XPO4: variants seen among roughly 807,000 people sequenced by gnomAD.
XPO4 encodes the protein exportin 4, also known as exportin-4.
Under a neutral mutation model 143.0 loss-of-function variants are expected in XPO4, and 39 were observed. That is an observed-to-expected ratio of 0.27 (90% CI 0.21 to 0.36). The LOEUF (loss-of-function observed/expected upper bound fraction) is 0.36. Among genes scored for constraint, XPO4 ranks in the 10% least tolerant of loss-of-function variants. The pLI is 1.00. For synonymous variants in XPO4, 439 were observed against 474.0 expected, an observed-to-expected ratio of 0.93 and a Z score of 0.96; for missense variants, 907 against 1,348.0, an observed-to-expected ratio of 0.67 and a Z score of 5.12.
At chr13:20,876,259 T>A (rs1003944608) in intron 1 of XPO4, among the ~76,000 whole-genome samples, 2 of 103,480 alleles carry the variant, frequency 1.9e-5, no homozygotes, top group Non-Finnish European at 1.8e-5. Context: ...CAAAACTCCA[T>A]CTCGGAAAAA....
chr13:20,880,192 GGGAGGCAAAGGCA>G (rs2060394158), intron 1 of XPO4, among the ~76,000 whole-genome samples: 1 of 152,170 alleles, frequency 6.6e-6, no homozygotes, highest in Non-Finnish European at 1.5e-5. Context: ...CCAGCACTTT[GGGAGGCAAAGGCA>G]GGTGGATCAC....
At chr13:20,862,563 A>G (rs934084523) in intron 3 of XPO4, among the ~76,000 whole-genome samples, 154 bp downstream of exon 3, 3 of 152,054 alleles carry the variant, frequency 2.0e-5, no homozygotes, top group African/African-American at 7.2e-5. Context: ...CCTGGGCTCA[A>G]GGAGATCCTC....
At chr13:20,844,893 C>T (rs982817926) in intron 4 of XPO4, among the ~76,000 whole-genome samples, 40 of 152,142 alleles carry the variant, frequency 2.6e-4, no homozygotes, top group Admixed American at 2.4e-3. Flanking sequence ...AAACATAGGC[C>T]GGACACAGTG....
At chr13:20,825,300 C>G (rs1331854405) in intron 7 of XPO4, among the ~76,000 whole-genome samples, 1 of 152,166 alleles carries the variant, frequency 6.6e-6, no homozygotes, top group Non-Finnish European at 1.5e-5. Context: ...CAACAGTATA[C>G]TGATGCTTAT....
chr13:20,873,593 A>G (rs914112774), intron 1 of XPO4, among the ~76,000 whole-genome samples: 1 of 152,118 alleles, frequency 6.6e-6, no homozygotes. Flanking sequence ...CTTTCCTCAA[A>G]ACAGTCAGGA....
intron 5 of XPO4, 124 bp from the exon 6 acceptor site, chr13:20,843,172 C>T: frequency 1.0e-6 from 1 of 988,768 alleles, no homozygotes; most frequent in Non-Finnish European, 1.4e-6. Context: ...TCCTTAAGAA[C>T]GTGTTCCATT....
chr13:20,872,708 C>T lies in XPO4; in HGVS notation c.70-4007G>A, dbSNP rs147468762. ...TGTAAAGAATAAGTAATTTGCCCAA[C>T]GTCACACTATCAGTAAGAAGCAGAG... On this transcript the variant is annotated intron_variant, in intron 1 of 22. Transcript: ENST00000255305. Among the ~76,000 whole-genome samples, 506 of 152,190 alleles carry T rather than the reference C, an allele frequency of 3.3e-3. 1 individual carries two copies. The highest frequency in any genetic ancestry group is 0.012 in the African/African-American group (489 of 41,528).
In XPO4 at chr13:20,883,286, G is replaced by GC. The variant is rs1327442180; in HGVS notation, c.70-14586_70-14585insG. On this transcript the variant is annotated intron_variant, in intron 1 of 22. Transcript: ENST00000255305. ...GGGTGAGGAGAAAGAAAGGAAAGAT[G>GC]TAGACTCAAAGCTAAAGAAAAGAAG... Among the ~76,000 whole-genome samples, 7 of 152,340 alleles carry GC rather than the reference G, an allele frequency of 4.6e-5. No individual in the cohort carries two copies. In the East Asian group the frequency reaches 1.2e-3, roughly 25 times the overall value.
In XPO4 at chr13:20,857,915, T is replaced by G. The variant is rs182423287; in HGVS notation, c.318-2150A>C. The G allele has an allele frequency of 2.8e-4, 273 of 984,824 alleles. No individual in the cohort carries two copies. In the African/African-American group the frequency reaches 4.0e-3, roughly 15 times the overall value. The allele number at this position is 984,824 out of a possible 1,614,324, so 61.0% of individuals were successfully genotyped here. A position where few individuals can be genotyped will look rare whatever the true frequency, so the allele number is the denominator to read the frequency against. On this transcript the variant is annotated intron_variant, in intron 3 of 22. Coordinates refer to ENST00000255305, the MANE Select transcript of XPO4 (RefSeq NM_022459.5). ...TTTTATTTCAATTAAGAGGAAAAAA[T>G]AAAAAAGAAAAAATTCTGTGCATGT...
chr13:20,864,055 CT>C (rs1177181909), intron 2 of XPO4, among the ~76,000 whole-genome samples: 4 of 151,990 alleles, frequency 2.6e-5, no homozygotes, highest in Non-Finnish European at 5.9e-5. Flanking sequence ...CAATTTGAAC[CT>C]TTTTTTAAAG....
At chr13:20,788,663 T>G in intron 19 of XPO4, 47 bp from the exon 20 acceptor site, 1 of 1,503,482 alleles carries the variant, frequency 6.7e-7, no homozygotes, top group Non-Finnish European at 8.9e-7. Flanking sequence ...AGTATCCAAT[T>G]TCTATTTTCA....
intron 11 of XPO4, 64 bp downstream of exon 11, chr13:20,809,019 T>C: frequency 6.4e-7 from 1 of 1,559,746 alleles, no homozygotes; most frequent in Non-Finnish European, 8.7e-7. Flanking sequence ...ACACTTTAAG[T>C]GCTCTCCAGG....
At chr13:20,785,382 G>A (rs1194613693) in intron 22 of XPO4, among the ~76,000 whole-genome samples, 1 of 152,110 alleles carries the variant, frequency 6.6e-6, no homozygotes, top group Non-Finnish European at 1.5e-5. Flanking sequence ...ATGAGAAATG[G>A]TAGAGGTGGC....
At chr13:20,801,131 GT>G (rs1273262659) in intron 13 of XPO4, 141 bp from the exon 14 acceptor site, 8 of 917,210 alleles carry the variant, frequency 8.7e-6, no homozygotes, top group African/African-American at 8.5e-5. Context: ...CATCTACAGA[GT>G]TTTAGACAAC....
chr13:20,879,588 C>T (rs761915902), intron 1 of XPO4, among the ~76,000 whole-genome samples: 4 of 151,992 alleles, frequency 2.6e-5, no homozygotes, highest in Non-Finnish European at 5.9e-5. Flanking sequence ...ACTAAACACA[C>T]GAGGAAATAA....
At chr13:20,895,751 T>C (rs938014004) in intron 1 of XPO4, among the ~76,000 whole-genome samples, 6 of 152,158 alleles carry the variant, frequency 3.9e-5, no homozygotes. Flanking sequence ...CTGCAATTTT[T>C]CGTCTTATTT....
chr13:20,876,435 A>T (rs2060354505), intron 1 of XPO4, among the ~76,000 whole-genome samples: 1 of 152,176 alleles, frequency 6.6e-6, no homozygotes, highest in Admixed American at 6.5e-5. Flanking sequence ...ATGAGAAAAA[A>T]AATAGACTGT....
chr13:20,837,822 G>A (rs1318352898), intron 6 of XPO4, among the ~76,000 whole-genome samples: 1 of 152,184 alleles, frequency 6.6e-6, no homozygotes, highest in Non-Finnish European at 1.5e-5. Context: ...GATCTTGTGA[G>A]ACTTATTCAC....
chr13:20,869,231 T>C (rs1264697251), intron 1 of XPO4, among the ~76,000 whole-genome samples: 1 of 152,194 alleles, frequency 6.6e-6, no homozygotes, highest in African/African-American at 2.4e-5. Context: ...GTTTGGAATT[T>C]ATGAAATGTA....
Sources: allele counts gnomAD v4.1 joint callset (sites outside exome capture counted in the v4.1 genomes callset), GRCh38; gene constraint gnomAD v4.1.1; transcripts MANE v1.5; gene names NCBI Gene and HGNC (gene_info 2026-07-23, HGNC 2026-07-21).